The following CSF1R variants were observed in gnomAD, a reference collection of about 807,000 sequenced individuals.
CSF1R encodes the protein macrophage colony-stimulating factor 1 receptor.
CSF1R carries 40 observed loss-of-function variants against 110.0 expected under a neutral mutation model. That is an observed-to-expected ratio of 0.36 (90% confidence interval 0.28 to 0.47). CSF1R has a LOEUF of 0.47. Ranked by LOEUF, CSF1R falls within the 20% of genes least tolerant of loss-of-function variation. The pLI is 0.99. For synonymous variants in CSF1R, 523 were observed against 503.4 expected (o/e 1.04, Z -0.52); for missense variants, 1,052 against 1,253.0 (o/e 0.84, Z 2.42).
chr5:150,078,376 G>A (rs1019793933), intron 3 of CSF1R, 128 bp from the exon 4 acceptor site: 17 of 1,242,000 alleles, frequency 1.4e-5, no homozygotes, highest in African/African-American at 4.5e-5. Flanking sequence ...CCAAATCCTG[G>A]GAGGCAGCCT....
chr5:150,059,104 G>C (rs1397724994), intron 14 of CSF1R, among the ~76,000 whole-genome samples: 5 of 152,144 alleles, frequency 3.3e-5, no homozygotes, highest in Admixed American at 2.6e-4. Flanking sequence ...GAGTGCAATG[G>C]TGTGATCTCA....
rs557980960 is a variant in CSF1R at position 150,054,133 on chromosome 5, G to A, written c.2855C>T (p.Thr952Ile). The change falls in exon 21 of 21, where the codon ACC becomes ATC. Residue 952 changes from threonine to isoleucine, a missense_variant. By Grantham distance (89) the Thr-to-Ile change is moderately conservative (BLOSUM62 -1). This residue lies in a region of CSF1R where 85 missense variants were observed against 78.8 expected (regional missense o/e 1.08). Coordinates refer to ENST00000675795, the MANE Select transcript of CSF1R (RefSeq NM_001288705.3). ...GGCGATATCCCCTTGCTCGCAGCAG[G>A]TCAGGTGCTCACTAGAGCTCTCCTC... ...LEEESSSEHL[T>I]CCEQGDIAQP... The A allele has an allele frequency of 8.3e-5, 134 of 1,614,016 alleles. No homozygotes were observed. The South Asian group carries it at 1.4e-3, about 17-fold the overall frequency.
chr5:150,088,260 A>G (rs891054725), upstream of CSF1R, among the ~76,000 whole-genome samples: 1 of 152,256 alleles, frequency 6.6e-6, no homozygotes, highest in Non-Finnish European at 1.5e-5. Context: ...AAATAAACCT[A>G]TAACAAGAAA....
At chr5:150,061,434 CCCACCCCCAGCATCTA>C in intron 12 of CSF1R, 41 bp downstream of exon 12, 7 of 559,030 alleles carry the variant, frequency 1.3e-5, no homozygotes, top group Admixed American at 6.4e-5. Context: ...CCAGGGCCAG[CCCACCCCCAGCATCTA>C]CCACCCCCCA....
chr5:150,086,516 A>G lies in CSF1R; in HGVS notation c.-89T>C. The G allele has an allele frequency of 8.2e-7, 1 of 1,226,386 alleles. No homozygotes were observed. Among genetic ancestry groups the G allele is most frequent in the Non-Finnish European group, 1.2e-6 (1 of 849,986 alleles). The allele number at this position is 1,226,386 out of a possible 1,614,324, so 76.0% of individuals were successfully genotyped here. ...AGCTACTAGCTCCGCAGGGATCGGG[A>G]CACTGGACACACGTTCCTCTCCTCT... On this transcript the variant is annotated 5_prime_UTR_variant, in exon 1 of 21. Transcript: ENST00000675795.
At chr5:150,074,861 C>A (rs1323462451) in intron 5 of CSF1R, among the ~76,000 whole-genome samples, 1 of 137,682 alleles carries the variant, frequency 7.3e-6, no homozygotes, top group East Asian at 3.0e-4. Context: ...ACACTCAACG[C>A]TCCACCCATC....
chr5:150,077,896 C>G (rs1287725278), intron 4 of CSF1R, among the ~76,000 whole-genome samples: 1 of 151,942 alleles, frequency 6.6e-6, no homozygotes, highest in East Asian at 1.9e-4. Context: ...CCCACCCACC[C>G]CCACAAAGTT....
At chr5:150,084,650 C>T (rs1426975880) in intron 1 of CSF1R, among the ~76,000 whole-genome samples, 1 of 151,794 alleles carries the variant, frequency 6.6e-6, no homozygotes, top group Non-Finnish European at 1.5e-5. Flanking sequence ...GAGGGGGCTT[C>T]ACCATATTGG....
chr5:150,056,193 C>G (rs1204634300), intron 17 of CSF1R, 26 bp downstream of exon 17: 2 of 1,614,098 alleles, frequency 1.2e-6, no homozygotes, highest in Admixed American at 1.7e-5. Flanking sequence ...CCTCCCCAGC[C>G]TGGCCCAAGC....
At position 150,080,775 on chromosome 5, in the gene CSF1R, T is replaced by C. The variant is rs1413974974; in HGVS notation, c.299A>G (p.Tyr100Cys). 6.2e-7 allele frequency: 1 copy of C among 1,614,034 alleles called. No homozygotes were observed. The highest frequency in any genetic ancestry group is 2.2e-5 in the East Asian group (1 of 44,874). The change falls in exon 2 of 21, where the codon TAT becomes TGT. Residue 100 changes from tyrosine to cysteine, a missense_variant. Physicochemically the swap from Tyr to Cys is radical, Grantham distance 194. This residue lies in a region of CSF1R where 693 missense variants were observed against 735.4 expected (regional missense o/e 0.94). Transcript: ENST00000675795. The stretch of plus-strand genomic sequence containing the variant: ...AGGCTCAGACTCCTCACCTTTGACA[T>C]AGAGGTGGATGGCGGCGCTGCCTCC... Reference protein sequence around the residue: ...PLGGSAAIHLYVKDPARPWNV... With the variant: ...PLGGSAAIHLCVKDPARPWNV...
intron 10 of CSF1R, among the ~76,000 whole-genome samples, chr5:150,065,806 G>A (rs969456442): frequency 6.6e-6 from 1 of 152,214 alleles, no homozygotes; most frequent in Non-Finnish European, 1.5e-5. Context: ...AGGAAGTGTG[G>A]AGGTGACATG....
chr5:150,070,490 G>T lies in CSF1R; in HGVS notation c.1164C>A (p.Gly388=). The change falls in exon 7 of 21, where the codon GGC becomes GGA. Residue 388 remains glycine, a synonymous_variant. Coordinates refer to ENST00000675795, the MANE Select transcript of CSF1R (RefSeq NM_001288705.3). ...RYSFLARNPG[G]WRALTFELTL... ...TGAGCTCAAACGTCAGAGCTCTCCA[G>T]CCTCCTGGGTTTCTGGCCAGGAAGG... 6.4e-7 allele frequency: 1 copy of T among 1,559,302 alleles called. No homozygotes were observed.
chr5:150,063,722 T>A (rs1250305198), intron 10 of CSF1R, among the ~76,000 whole-genome samples: 2 of 152,052 alleles, frequency 1.3e-5, no homozygotes, highest in Admixed American at 1.3e-4. Context: ...AGTACCATGC[T>A]AAGGGTTGCC....
At position 150,084,008 on chromosome 5, in the gene CSF1R, G is replaced by A. The variant is rs535274193; in HGVS notation, c.49+2371C>T. On this transcript the variant is annotated intron_variant, in intron 1 of 20. Transcript: ENST00000675795. The stretch of plus-strand genomic sequence containing the variant: ...TTTTGTGACTCCATGTTTTTTTCTC[G>A]CCAGCATGTCCTTAACCTTGGCAAA... Among the ~76,000 whole-genome samples, 21 of 152,020 alleles carry A rather than the reference G, an allele frequency of 1.4e-4. No homozygotes were observed. In the South Asian group the frequency reaches 2.5e-3, roughly 18 times the overall value.
chr5:150,078,935 C>T (rs1025113026), intron 3 of CSF1R, among the ~76,000 whole-genome samples: 1 of 152,234 alleles, frequency 6.6e-6, no homozygotes, highest in African/African-American at 2.4e-5. Flanking sequence ...TTGCTCATCA[C>T]ATTTGTATTT....
chr5:150,077,490 A>G, intron 4 of CSF1R, 55 bp from the exon 5 acceptor site: 2 of 1,554,874 alleles, frequency 1.3e-6, no homozygotes, highest in African/African-American at 2.7e-5. Flanking sequence ...GATTAGAAAG[A>G]TCTGGGTTCC....
intron 1 of CSF1R, among the ~76,000 whole-genome samples, chr5:150,096,588 A>G (rs1759231338): frequency 6.6e-6 from 1 of 152,218 alleles, no homozygotes; most frequent in Non-Finnish European, 1.5e-5. Context: ...TCTGAAGAAA[A>G]TCTTAGCAAA....
intron 6 of CSF1R, among the ~76,000 whole-genome samples, chr5:150,072,333 A>G (rs1758065448): frequency 6.6e-6 from 1 of 152,102 alleles, no homozygotes; most frequent in African/African-American, 2.4e-5. Context: ...GTCTCTACTA[A>G]AAATACAAAA....
chr5:150,096,141 G>A (rs1446870569), intron 1 of CSF1R, among the ~76,000 whole-genome samples: 1 of 152,148 alleles, frequency 6.6e-6, no homozygotes, highest in Non-Finnish European at 1.5e-5. Flanking sequence ...TGTAATCCCA[G>A]CACTTTGGGA....
Sources: gnomAD v4.1 joint callset for allele counts (sites outside exome capture counted in the v4.1 genomes callset) on GRCh38, gnomAD v4.1.1 for gene constraint, gnomAD v4.1.1 regional missense constraint, MANE v1.5 for transcripts, NCBI Gene and HGNC (gene_info 2026-07-23, HGNC 2026-07-21) for gene names.